CENPE: variants seen among roughly 807,000 people sequenced by gnomAD.
CENPE encodes centromere-associated protein E.
Under a neutral mutation model 336.1 loss-of-function variants are expected in CENPE, and 145 were observed. That is an observed-to-expected ratio of 0.43 (90% CI 0.38 to 0.50). The LOEUF is 0.50. Ranked by LOEUF, CENPE falls within the 20% of genes least tolerant of loss-of-function variation. The probability of loss-of-function intolerance (pLI) is 0.00; values close to 1 mark genes in which losing one functional copy is unlikely to be tolerated. For synonymous variants in CENPE, 1,013 were observed against 984.8 expected (o/e 1.03, Z -0.54); for missense variants, 2,719 against 3,023.3 (o/e 0.90, Z 2.36).
chr4:103,140,163 A>G (rs181513872), intron 37 of CENPE, 84 bp from the exon 38 acceptor site: 67 of 1,440,658 alleles, frequency 4.7e-5, no homozygotes, highest in Middle Eastern at 2.6e-4. Flanking sequence ...CTATATGCAC[A>G]TATCTATCTA....
intron 24 of CENPE, among the ~76,000 whole-genome samples, chr4:103,157,122 A>G (rs185044615): frequency 6.6e-6 from 1 of 151,576 alleles, no homozygotes; most frequent in Admixed American, 6.6e-5. Flanking sequence ...AAACCAGAAC[A>G]CTTCTGTCCT....
chr4:103,168,406 C>A (rs1560654157), intron 16 of CENPE, among the ~76,000 whole-genome samples: 1 of 152,270 alleles, frequency 6.6e-6, no homozygotes, highest in East Asian at 1.9e-4. Context: ...TAGGACAGGC[C>A]TGCTGGCTTC....
chr4:103,185,016 T>C (rs1756642087), intron 9 of CENPE, among the ~76,000 whole-genome samples: 1 of 152,096 alleles, frequency 6.6e-6, no homozygotes, highest in Non-Finnish European at 1.5e-5. Context: ...ATTTACAAGT[T>C]TTCTTAGGCC....
At chr4:103,144,220 G>A in intron 33 of CENPE, 111 bp downstream of exon 33, 2 of 869,786 alleles carry the variant, frequency 2.3e-6, no homozygotes, top group South Asian at 1.9e-5. Context: ...ACCGGCTCGA[G>A]CCACCGCGCC....
chr4:103,113,323 AAAGT>A (rs1477887537), intron 46 of CENPE, among the ~76,000 whole-genome samples: 8 of 143,018 alleles, frequency 5.6e-5, no homozygotes, highest in African/African-American at 1.8e-4. Flanking sequence ...CTCCTGTAAA[AAAGT>A]ATGTATGAGT....
chr4:103,116,069 C>T (rs954731520), intron 45 of CENPE, among the ~76,000 whole-genome samples: 4 of 152,068 alleles, frequency 2.6e-5, no homozygotes, highest in African/African-American at 9.7e-5. Flanking sequence ...TGCTATACCA[C>T]AAAGAATTTA....
At chr4:103,195,776 T>C in intron 4 of CENPE, 144 bp downstream of exon 4, 1 of 638,076 alleles carries the variant, frequency 1.6e-6, no homozygotes, top group Non-Finnish European at 2.9e-6. Context: ...ATCTATGCTA[T>C]GCCTTTCTTC....
chr4:103,160,331 G>A (rs1375433940), intron 21 of CENPE, among the ~76,000 whole-genome samples: 1 of 151,564 alleles, frequency 6.6e-6, no homozygotes, highest in East Asian at 1.9e-4. Flanking sequence ...ACTAAGGGTG[G>A]GCCGTAATAC....
At chr4:103,160,897 C>T in intron 20 of CENPE, 118 bp from the exon 21 acceptor site, 1 of 1,014,744 alleles carries the variant, frequency 9.9e-7, no homozygotes, top group African/African-American at 1.6e-5. Context: ...AAAAATAATC[C>T]CTTATGATTT....
At chr4:103,172,122 C>A (rs1259098264) in intron 16 of CENPE, among the ~76,000 whole-genome samples, 1 of 151,846 alleles carries the variant, frequency 6.6e-6, no homozygotes, top group Non-Finnish European at 1.5e-5. Context: ...TTCTACAAGG[C>A]CAGCATTACA....
chr4:103,142,344 A>G (rs1468582303), intron 34 of CENPE, among the ~76,000 whole-genome samples: 2 of 152,246 alleles, frequency 1.3e-5, no homozygotes, highest in Non-Finnish European at 2.9e-5. Flanking sequence ...TTTCAAGAAC[A>G]GTACCAAATT....
intron 16 of CENPE, among the ~76,000 whole-genome samples, chr4:103,166,425 A>C (rs1754926176): frequency 6.6e-6 from 1 of 152,134 alleles, no homozygotes; most frequent in South Asian, 2.1e-4. Context: ...ATTAAAGTCC[A>C]ATGGTTTTGT....
At chr4:103,167,083 G>A (rs1248565319) in intron 16 of CENPE, among the ~76,000 whole-genome samples, 1 of 152,048 alleles carries the variant, frequency 6.6e-6, no homozygotes, top group Non-Finnish European at 1.5e-5. Context: ...CTTAGATGGA[G>A]AAGGAAAAAC....
In CENPE at chr4:103,132,790, A is replaced by G; in HGVS notation, c.6827T>C (p.Leu2276Ser). 1 of 1,579,430 alleles carries G rather than the reference A, an allele frequency of 6.3e-7. No homozygotes were observed. The highest frequency in any genetic ancestry group is 8.7e-7 in the Non-Finnish European group (1 of 1,153,942). The change falls in exon 42 of 49, where the codon TTA becomes TCA. Residue 2276 changes from leucine (L) to serine (S), a missense_variant. Transcript: ENST00000265148. ...CTTTTCTATATCAAAACGAGTATTTAACCACTCTTCCAAAAACTGTGTCAT... is the reference window on the plus strand; with the variant it reads ...CTTTTCTATATCAAAACGAGTATTTGACCACTCTTCCAAAAACTGTGTCAT... ...KEMTQFLEEWLNTRFDIEKLK... is the reference protein window; with the variant it reads ...KEMTQFLEEWSNTRFDIEKLK...
chr4:103,112,415 GTATATACT>G (rs200494812), intron 46 of CENPE, among the ~76,000 whole-genome samples: 25,996 of 144,140 alleles, frequency 0.18, 2,435 homozygotes, highest in South Asian at 0.31. Flanking sequence ...ACATATATAT[GTATATACT>G]TATATACTTA....
intron 42 of CENPE, among the ~76,000 whole-genome samples, chr4:103,128,176 G>A (rs1254829656): frequency 6.6e-6 from 1 of 152,102 alleles, no homozygotes; most frequent in Non-Finnish European, 1.5e-5. Flanking sequence ...CAGGGATAAA[G>A]GGACATTACG....
Position 103,144,384 on chromosome 4 carries a change from G to A in CENPE, c.5092C>T (p.Leu1698Phe), listed in dbSNP as rs768980620. 4 of 1,613,324 alleles carry A rather than the reference G, an allele frequency of 2.5e-6. No homozygotes were observed. The highest frequency in any genetic ancestry group is 3.4e-6 in the Non-Finnish European group (4 of 1,179,788). Residue 1698 changes from leucine (L) to phenylalanine (F), a missense_variant, in exon 33 of 49, where the codon CTC becomes TTC. Transcript: ENST00000265148. ...RDDLRSVEETLKVERDQLKEN... is the reference protein window; with the variant it reads ...RDDLRSVEETFKVERDQLKEN... ...TTGAGCTGGTCTCTCTCTACTTTGA[G>A]AGTCTCCTCCACACTCCTAAGGTCA...
At chr4:103,129,038 G>C (rs1322395589) in intron 42 of CENPE, among the ~76,000 whole-genome samples, 1 of 152,046 alleles carries the variant, frequency 6.6e-6, no homozygotes, top group East Asian at 1.9e-4. Flanking sequence ...CATCACTATA[G>C]AGCCCATGGA....
chr4:103,198,255 C>A lies in CENPE; in HGVS notation c.56+9G>T. ...CAGCGGGCACCGGGCCGTGGTGTGG[C>A]CCCCCTACCTGCTGTTCAGCGGCCG... is the stretch of plus-strand genomic sequence containing the variant. On this transcript the variant is annotated intron_variant, in intron 1 of 48. Coordinates refer to ENST00000265148, the MANE Select transcript of CENPE (RefSeq NM_001813.3). 6.5e-7 allele frequency: 1 copy of A among 1,549,780 alleles called. No individual in the cohort carries two copies. The highest frequency in any genetic ancestry group is 8.7e-7 in the Non-Finnish European group (1 of 1,146,546).
Sources: allele counts gnomAD v4.1 joint callset (sites outside exome capture counted in the v4.1 genomes callset), GRCh38; gene constraint gnomAD v4.1.1; transcripts MANE v1.5; gene names NCBI Gene and HGNC (gene_info 2026-07-23, HGNC 2026-07-21).